Variants in MTMR9 observed in about 807,000 individuals in gnomAD.
MTMR9 encodes the protein myotubularin-related protein 9.
MTMR9 carries 39 observed loss-of-function variants against 69.5 expected under a neutral mutation model. The observed-to-expected ratio is 0.56, with a 90% confidence interval of 0.43 to 0.73. The LOEUF is 0.73. Ranked by LOEUF, MTMR9 falls within the 30% of genes least tolerant of loss-of-function variation. MTMR9 has a pLI of 0.00. For synonymous variants in MTMR9, 354 were observed against 240.8 expected (o/e 1.47, Z -4.35); for missense variants, 900 against 671.2 (o/e 1.34, Z -3.77).
chr8:11,313,191 G>A (rs890327329), intron 6 of MTMR9, among the ~76,000 whole-genome samples: 2 of 152,162 alleles, frequency 1.3e-5, no homozygotes, highest in African/African-American at 2.4e-5. Flanking sequence ...TCATGAACCA[G>A]CCTCTGCTAG....
Position 11,314,896 on chromosome 8 carries a change from TG to T in MTMR9, c.972-26del, listed in dbSNP as rs1585129784. 3 of 1,609,516 alleles carry T rather than the reference TG, an allele frequency of 1.9e-6. No homozygotes were observed. In the East Asian group the frequency reaches 6.7e-5, roughly 36 times the overall value. ...TTGACCATGTTGGACATTTCCCATT[TG>T]TACTCTTCCCTGATTTTCCTATCAG... On this transcript the variant is annotated intron_variant, in intron 6 of 9. Coordinates refer to ENST00000221086, the MANE Select transcript of MTMR9 (RefSeq NM_015458.4).
At chr8:11,288,906 C>T (rs1232682582) in intron 1 of MTMR9, among the ~76,000 whole-genome samples, 1 of 152,216 alleles carries the variant, frequency 6.6e-6, no homozygotes, top group African/African-American at 2.4e-5. Flanking sequence ...GGCACGGTGG[C>T]TCACGCCTGT....
At chr8:11,339,068 G>A in the MTMR9 span, among the ~76,000 whole-genome samples, 1 of 152,174 alleles carries the variant, frequency 6.6e-6, no homozygotes, top group Admixed American at 6.5e-5. Context: ...TGTCACAGTG[G>A]CAGAGATTAG....
intron 6 of MTMR9, among the ~76,000 whole-genome samples, chr8:11,312,688 G>A (rs1220850102): frequency 6.6e-6 from 1 of 152,166 alleles, no homozygotes; most frequent in African/African-American, 2.4e-5. Flanking sequence ...ATTTTTAATG[G>A]CATCTAGAAA....
intron 5 of MTMR9, among the ~76,000 whole-genome samples, chr8:11,306,886 C>G (rs74301702): frequency 6.6e-6 from 1 of 152,120 alleles, no homozygotes. Context: ...CTGCTACTTT[C>G]TCTTCCTCTG....
Position 11,316,745 on chromosome 8 carries a change from G to A in MTMR9, c.1186G>A (p.Val396Ile), listed in dbSNP as rs778967331. The A allele has an allele frequency of 5.6e-6, 9 of 1,613,652 alleles. No individual in the cohort carries two copies. The African/African-American group carries it at 9.4e-5, about 17-fold the overall frequency. The change falls in exon 8 of 10, where the codon GTA becomes ATA. Residue 396 changes from valine (V) to isoleucine (I), a missense_variant. Coordinates refer to ENST00000221086, the MANE Select transcript of MTMR9 (RefSeq NM_015458.4). ...CACCAAGCAGAAGTGGGAGGCTCCT[G>A]TATTTCTTCTCTTCTTGGACTGCGT... ...CNTKQKWEAP[V>I]FLLFLDCVWQ...
downstream of MTMR9, chr8:11,331,655 G>T (rs767933236): frequency 2.5e-6 from 4 of 1,612,338 alleles, no homozygotes; most frequent in South Asian, 4.4e-5. Context: ...TACAGGAGGG[G>T]ACCACAGGTG....
intron 6 of MTMR9, among the ~76,000 whole-genome samples, chr8:11,313,390 T>G (rs915871111): frequency 1.3e-5 from 2 of 152,230 alleles, no homozygotes; most frequent in Non-Finnish European, 2.9e-5. Context: ...ACTGTATCAT[T>G]TATGTGTTCG....
chr8:11,295,758 T>G (rs1336123222), intron 2 of MTMR9, among the ~76,000 whole-genome samples: 1 of 152,258 alleles, frequency 6.6e-6, no homozygotes, highest in East Asian at 1.9e-4. Context: ...TTTCCTTTAC[T>G]TGAGGTTTGT....
chr8:11,331,778 C>A (rs142479157), downstream of MTMR9: 389 of 1,611,742 alleles, frequency 2.4e-4, 2 homozygotes, highest in African/African-American at 2.7e-3. Flanking sequence ...CAGTGGCCTT[C>A]CTATCTGGCT....
chr8:11,315,991 A>G (rs1800397876), intron 7 of MTMR9: 3 of 152,326 alleles, frequency 2.0e-5, no homozygotes, highest in East Asian at 1.9e-4. Flanking sequence ...CTAGCAGAGT[A>G]TGATTTGTAT....
downstream of MTMR9, chr8:11,331,305 C>G (rs1431569238): frequency 1.2e-6 from 2 of 1,614,018 alleles, no homozygotes; most frequent in Admixed American, 1.7e-5. Context: ...GGGTTCCAAC[C>G]TGCCCTCGCT....
intron 2 of MTMR9, among the ~76,000 whole-genome samples, chr8:11,297,704 C>T (rs1430564776): frequency 6.6e-6 from 1 of 152,026 alleles, no homozygotes; most frequent in African/African-American, 2.4e-5. Flanking sequence ...CTTGCTGACG[C>T]TGATCAGTTG....
At chr8:11,296,040 A>G (rs1415372468) in intron 2 of MTMR9, among the ~76,000 whole-genome samples, 2 of 152,138 alleles carry the variant, frequency 1.3e-5, no homozygotes, top group African/African-American at 4.8e-5. Context: ...TAATAAATAC[A>G]GTTCTAAAAA....
chr8:11,311,104 T>A (rs2117426626), intron 6 of MTMR9, among the ~76,000 whole-genome samples: 1 of 152,306 alleles, frequency 6.6e-6, no homozygotes, highest in Middle Eastern at 3.4e-3. Flanking sequence ...ATTCAGAATA[T>A]CCCACAGATA....
chr8:11,304,873 G>A lies in MTMR9; in HGVS notation c.450G>A (p.Lys150=), dbSNP rs199630479. The A allele has an allele frequency of 9.9e-5, 160 of 1,613,974 alleles. No individual in the cohort carries two copies. Among genetic ancestry groups the A allele is most frequent in the Non-Finnish European group, 1.2e-4 (146 of 1,179,950 alleles). Residue 150 remains lysine, a synonymous_variant, in exon 4 of 10, where the codon AAG becomes AAA. Transcript: ENST00000221086. ...AATGGAGGCTAAGCTATGTCAATAA[G>A]GAATTTGCTGTCTGTCCCTCTTACC... is the stretch of plus-strand genomic sequence containing the variant. ...TSEWRLSYVN[K]EFAVCPSYPP...
intron 8 of MTMR9, chr8:11,319,182 A>G (rs1255182268): frequency 6.6e-6 from 1 of 152,132 alleles, no homozygotes; most frequent in African/African-American, 2.4e-5. Flanking sequence ...AGACATTCAT[A>G]TTTGTAAGCT....
chr8:11,313,791 A>G (rs10104728), intron 6 of MTMR9, among the ~76,000 whole-genome samples: 55,666 of 152,112 alleles, frequency 0.37, 11,400 homozygotes, highest in East Asian at 0.71. Flanking sequence ...AACATCAAAG[A>G]TCACTGATCA....
rs1255148693 is a variant in MTMR9 at position 11,300,063 on chromosome 8, T to C, written c.332T>C (p.Phe111Ser). 1.2e-6 allele frequency: 2 copies of C among 1,613,710 alleles called. No individual in the cohort carries two copies. The highest frequency in any genetic ancestry group is 8.5e-7 in the Non-Finnish European group (1 of 1,179,732). ...TLDSITLMYP[F>S]FYRPMFEVIE... ...GACTCCATCACTCTGATGTACCCTT[T>C]CTTTTACCGTCCTATGTTTGAAGTG... The change falls in exon 3 of 10, where the codon TTC (phenylalanine) becomes TCC (serine). Residue 111 changes from phenylalanine to serine, a missense_variant. Phe to Ser is a radical substitution (Grantham distance 155). Transcript: ENST00000221086.
Sources: gnomAD v4.1 joint callset for allele counts (sites outside exome capture counted in the v4.1 genomes callset) on GRCh38, gnomAD v4.1.1 for gene constraint, MANE v1.5 for transcripts, NCBI Gene and HGNC (gene_info 2026-07-23, HGNC 2026-07-21) for gene names.